Variants in SPATA13 observed in about 807,000 individuals in gnomAD.
The protein encoded by SPATA13 is spermatogenesis-associated protein 13.
SPATA13 carries 50 observed loss-of-function variants against 104.0 expected under a neutral mutation model. The ratio of observed to expected loss-of-function variants is 0.48; its 90% CI spans 0.38 to 0.61. The LOEUF (loss-of-function observed/expected upper bound fraction) is 0.61, where lower values mean the gene tolerates loss of function less well. Among genes scored for constraint, SPATA13 ranks in the 20% least tolerant of loss-of-function variants. The probability of loss-of-function intolerance (pLI) is 0.00; values close to 1 mark genes in which losing one functional copy is unlikely to be tolerated. For missense variants in SPATA13, 1,524 were observed against 1,690.6 expected (o/e 0.90, Z 1.73); for synonymous variants, 606 against 667.5 (o/e 0.91, Z 1.42).
chr13:24,043,807 T>C (rs141660758), intron 3 of SPATA13, among the ~76,000 whole-genome samples: 1 of 152,324 alleles, frequency 6.6e-6, no homozygotes, highest in Non-Finnish European at 1.5e-5. Context: ...ACTGAGATTT[T>C]CTATTAAATA....
chr13:24,077,841 G>T (rs1303596554), intron 3 of SPATA13, among the ~76,000 whole-genome samples: 1 of 152,060 alleles, frequency 6.6e-6, no homozygotes, highest in African/African-American at 2.4e-5. Context: ...TCGGGAGGTG[G>T]TCCCACTGCT....
chr13:24,278,655 C>T (rs1271352993), intron 4 of SPATA13: 1 of 1,500,318 alleles, frequency 6.7e-7, no homozygotes. Context: ...GCTCAAAGCA[C>T]ACCAATAACA....
At chr13:24,253,639 G>A (rs571384999) in intron 4 of SPATA13, among the ~76,000 whole-genome samples, 2 of 152,316 alleles carry the variant, frequency 1.3e-5, no homozygotes, top group South Asian at 2.1e-4. Flanking sequence ...CACCAGTGAC[G>A]GCCCTGCAGA....
At chr13:24,134,417 TCA>T (rs1881488657) in intron 3 of SPATA13, among the ~76,000 whole-genome samples, 2 of 152,178 alleles carry the variant, frequency 1.3e-5, no homozygotes, top group Non-Finnish European at 2.9e-5. Flanking sequence ...CTGTTGTTTA[TCA>T]CAGAGGCAGA....
intron 1 of SPATA13, among the ~76,000 whole-genome samples, chr13:24,187,906 A>C (rs9511117): frequency 0.73 from 111,673 of 152,132 alleles, 45,622 homozygotes; most frequent in Non-Finnish European, 0.91. Context: ...GCCCATCTCT[A>C]TTTTAAATCC....
chr13:24,202,652 G>A (rs1308640129), intron 1 of SPATA13, among the ~76,000 whole-genome samples: 2 of 151,274 alleles, frequency 1.3e-5, no homozygotes, highest in South Asian at 2.1e-4. Context: ...TGAAGGGAGC[G>A]GGAGGAGGGA....
chr13:24,218,686 C>G (rs900902513), intron 1 of SPATA13, among the ~76,000 whole-genome samples: 1 of 150,726 alleles, frequency 6.6e-6, no homozygotes, highest in Non-Finnish European at 1.5e-5. Context: ...AATTCGTAAA[C>G]TTTGGTAAAA....
intron 3 of SPATA13, among the ~76,000 whole-genome samples, chr13:24,141,542 AC>A (rs1446311709): frequency 1.3e-5 from 2 of 152,044 alleles, no homozygotes; most frequent in Non-Finnish European, 2.9e-5. Flanking sequence ...TGATCCCAAA[AC>A]CTTCTGCATA....
intron 3 of SPATA13, among the ~76,000 whole-genome samples, chr13:24,060,294 A>G (rs1488705147): frequency 6.6e-6 from 1 of 152,234 alleles, no homozygotes; most frequent in African/African-American, 2.4e-5. Flanking sequence ...CACACTTACT[A>G]TCTGATCTTT....
intron 4 of SPATA13, among the ~76,000 whole-genome samples, chr13:24,258,364 CAAAAAA>C (rs3067220): frequency 1.0e-5 from 1 of 96,450 alleles, no homozygotes; most frequent in African/African-American, 4.0e-5. Flanking sequence ...GAGTTCATCT[CAAAAAA>C]AAAAAAAAAA....
At chr13:24,294,286 C>T (rs750878568) in intron 9 of SPATA13, among the ~76,000 whole-genome samples, 2 of 152,088 alleles carry the variant, frequency 1.3e-5, no homozygotes, top group Non-Finnish European at 2.9e-5. Flanking sequence ...TGTCCTTTCC[C>T]GAACAGCATA....
At chr13:24,142,992 G>C (rs1023475052) in intron 3 of SPATA13, among the ~76,000 whole-genome samples, 2 of 152,148 alleles carry the variant, frequency 1.3e-5, no homozygotes, top group African/African-American at 2.4e-5. Context: ...TCGGAGGTTG[G>C]GTTCACACAG....
At chr13:24,072,734 C>T (rs1178528707) in intron 3 of SPATA13, among the ~76,000 whole-genome samples, 2 of 151,878 alleles carry the variant, frequency 1.3e-5, no homozygotes, top group Non-Finnish European at 2.9e-5. Flanking sequence ...TGTGCACCTA[C>T]GATGCCCTTG....
chr13:24,196,251 G>C (rs952548626), intron 1 of SPATA13, among the ~76,000 whole-genome samples: 4 of 152,122 alleles, frequency 2.6e-5, no homozygotes, highest in Non-Finnish European at 4.4e-5. Flanking sequence ...GGGAAGGAAG[G>C]TGTGTTCCCT....
At chr13:24,208,611 G>T (rs931578473) in intron 1 of SPATA13, among the ~76,000 whole-genome samples, 23 of 152,244 alleles carry the variant, frequency 1.5e-4, no homozygotes, top group African/African-American at 4.6e-4. Context: ...GTTGCAGATA[G>T]GTGTCACCTT....
chr13:24,248,939 G>GTGCAAT (rs1253993935), intron 2 of SPATA13, among the ~76,000 whole-genome samples: 1 of 151,708 alleles, frequency 6.6e-6, no homozygotes, highest in Non-Finnish European at 1.5e-5. Context: ...GAGTGTGGTG[G>GTGCAAT]TGCAACTGCA....
chr13:24,002,369 T>A (rs1420017047), intron 2 of SPATA13, among the ~76,000 whole-genome samples: 1 of 151,786 alleles, frequency 6.6e-6, no homozygotes, highest in Non-Finnish European at 1.5e-5. Flanking sequence ...GTGTTCAGAG[T>A]CAGAAGCATT....
At chr13:24,283,534 G>T (rs919713119) in intron 4 of SPATA13, among the ~76,000 whole-genome samples, 1 of 152,158 alleles carries the variant, frequency 6.6e-6, no homozygotes, top group African/African-American at 2.4e-5. Flanking sequence ...TGACTAGCAG[G>T]GTGGCCAATC....
In SPATA13 at chr13:24,161,678, T is replaced by G. The variant is rs1882500756; in HGVS notation, c.-112+746T>G. 6.6e-6 allele frequency among the ~76,000 whole-genome samples: 1 copy of G among 152,084 alleles called. No individual in the cohort carries two copies. The highest frequency in any genetic ancestry group is 6.5e-5 in the Admixed American group (1 of 15,268). ...TTACAGAGCTTGAGCAAATTTCCCC[T>G]CCCTCCAAGTGCAGGAAAACCAAAC... On this transcript the variant is annotated intron_variant, in intron 1 of 12. Coordinates refer to ENST00000382108, the MANE Select transcript of SPATA13 (RefSeq NM_001166271.3). This position sits in a 1 kb window ranked among gnomAD's most constrained non-coding sequence, Gnocchi z 4.5.
Sources: allele counts gnomAD v4.1 joint callset (sites outside exome capture counted in the v4.1 genomes callset), GRCh38; gene constraint gnomAD v4.1.1; non-coding constraint Gnocchi (gnomAD v3.1); transcripts MANE v1.5; gene names NCBI Gene and HGNC (gene_info 2026-07-23, HGNC 2026-07-21).